The following ESR1 variants were observed in gnomAD, a reference collection of about 807,000 sequenced individuals.
The protein encoded by ESR1 is estrogen receptor.
Under a neutral mutation model 52.7 loss-of-function variants are expected in ESR1, and 12 were observed. The ratio of observed to expected loss-of-function variants is 0.23; its 90% confidence interval spans 0.15 to 0.37. The LOEUF (loss-of-function observed/expected upper bound fraction) is 0.37, where lower values mean the gene tolerates loss of function less well. Ranked by LOEUF, ESR1 falls within the 10% of genes least tolerant of loss-of-function variation. The pLI is 1.00. For missense variants in ESR1, 584 were observed against 779.7 expected (o/e 0.75, Z 2.99); for synonymous variants, 305 against 316.8 (o/e 0.96, Z 0.39).
intron 5 of ESR1, among the ~76,000 whole-genome samples, chr6:152,028,285 TGGACAGTGGGTGCA>T (rs1361075789): frequency 2.0e-5 from 3 of 152,144 alleles, no homozygotes; most frequent in African/African-American, 4.8e-5. Context: ...TGGGGACTAT[TGGACAGTGGGTGCA>T]GGACAGTGGG....
At chr6:151,682,229 T>C (rs1435109428) in intron 1 of ESR1, among the ~76,000 whole-genome samples, 1 of 152,216 alleles carries the variant, frequency 6.6e-6, no homozygotes, top group African/African-American at 2.4e-5. Context: ...TTCCTTTGCT[T>C]TCCTATATGA....
intron 1 of ESR1, among the ~76,000 whole-genome samples, chr6:151,683,574 G>T (rs1037457628): frequency 6.6e-5 from 10 of 152,146 alleles, no homozygotes; most frequent in African/African-American, 2.4e-4. Flanking sequence ...ATCCATTGGT[G>T]GTAGGAGGCA....
intron 1 of ESR1, among the ~76,000 whole-genome samples, chr6:151,674,964 G>T (rs1778202530): frequency 6.6e-6 from 1 of 152,170 alleles, no homozygotes; most frequent in Non-Finnish European, 1.5e-5. Context: ...TGTATTTTCA[G>T]ACCTTTTATT....
chr6:152,127,310 A>G (rs575644913), exon 7 of ESR1: 1 of 152,258 alleles, frequency 6.6e-6, no homozygotes, highest in South Asian at 2.1e-4. Context: ...CCTTGTCTAT[A>G]AATTGGGAAT....
intron 4 of ESR1, among the ~76,000 whole-genome samples, chr6:151,977,574 C>A (rs1326950523): frequency 6.6e-6 from 1 of 151,910 alleles, no homozygotes; most frequent in Non-Finnish European, 1.5e-5. Context: ...GGAGGTGGAT[C>A]GCTTGAGGTC....
intron 1 of ESR1, among the ~76,000 whole-genome samples, chr6:151,839,481 A>G (rs572426293): frequency 9.8e-5 from 15 of 152,340 alleles, no homozygotes; most frequent in African/African-American, 3.4e-4. Flanking sequence ...CAGTAATTCT[A>G]CTTCTGGGTA....
intron 4 of ESR1, among the ~76,000 whole-genome samples, chr6:151,999,172 TA>T (rs538111876): frequency 2.7e-4 from 41 of 152,242 alleles, no homozygotes; most frequent in African/African-American, 9.9e-4. Flanking sequence ...TTTACCTGTT[TA>T]TTTCATGTAT....
At chr6:152,097,854 T>C (rs1017466936) in intron 7 of ESR1, among the ~76,000 whole-genome samples, 1 of 152,000 alleles carries the variant, frequency 6.6e-6, no homozygotes, top group Non-Finnish European at 1.5e-5. Context: ...AGGGTGTGAG[T>C]GTGTGCACGT....
chr6:151,956,843 A>ATAT (rs2037003332), intron 4 of ESR1, among the ~76,000 whole-genome samples: 508 of 44,442 alleles, frequency 0.011, 9 homozygotes, highest in African/African-American at 0.034. Context: ...AATATAAATA[A>ATAT]ATATATATAT....
chr6:152,032,988 G>A (rs2044870922), intron 5 of ESR1, among the ~76,000 whole-genome samples: 1 of 152,100 alleles, frequency 6.6e-6, no homozygotes, highest in Non-Finnish European at 1.5e-5. Flanking sequence ...ATAATGCCAT[G>A]TATCTACAAC....
chr6:152,070,636 A>G (rs533768071), intron 6 of ESR1, among the ~76,000 whole-genome samples: 1 of 138,558 alleles, frequency 7.2e-6, no homozygotes, highest in African/African-American at 3.2e-5. Context: ...TCATGGCCCC[A>G]TCGCTCCCTC....
intron 3 of ESR1, among the ~76,000 whole-genome samples, chr6:151,901,571 GA>G (rs1796701057): frequency 6.6e-6 from 1 of 152,210 alleles, no homozygotes; most frequent in Non-Finnish European, 1.5e-5. Context: ...AGACAAGGTA[GA>G]AATGGCTTAT....
chr6:151,864,255 A>G (rs1473771987), intron 2 of ESR1, among the ~76,000 whole-genome samples: 1 of 152,166 alleles, frequency 6.6e-6, no homozygotes, highest in Non-Finnish European at 1.5e-5. Flanking sequence ...GAAAAAAGGA[A>G]CCCCATCAAC....
chr6:151,784,790 T>TC (rs1192069519), intron 2 of ESR1, among the ~76,000 whole-genome samples: 5 of 152,108 alleles, frequency 3.3e-5, no homozygotes, highest in Admixed American at 1.3e-4. Context: ...CCATGAGTGC[T>TC]CCCCCCACCC....
chr6:151,729,699 G>A (rs1239797092), intron 2 of ESR1, among the ~76,000 whole-genome samples: 2 of 152,258 alleles, frequency 1.3e-5, no homozygotes, highest in Middle Eastern at 3.4e-3. Context: ...TACAGATGGG[G>A]AAACTGAAGC....
chr6:151,838,562 T>C (rs944505675), intron 1 of ESR1, among the ~76,000 whole-genome samples: 18 of 152,248 alleles, frequency 1.2e-4, no homozygotes, highest in African/African-American at 3.1e-4. Context: ...CTTGATCTGA[T>C]GGATACTCAA....
At chr6:151,914,183 T>C (rs1798692282) in intron 3 of ESR1, among the ~76,000 whole-genome samples, 1 of 152,158 alleles carries the variant, frequency 6.6e-6, no homozygotes, top group African/African-American at 2.4e-5. Flanking sequence ...CTCTGCTCTA[T>C]TCTCTGCAAT....
upstream of ESR1, among the ~76,000 whole-genome samples, chr6:151,802,702 TG>T (rs559060843): frequency 4.9e-4 from 74 of 152,324 alleles, no homozygotes; most frequent in Middle Eastern, 6.8e-3. Flanking sequence ...AAAACAGTTT[TG>T]AAAGACCGGG....
intron 4 of ESR1, among the ~76,000 whole-genome samples, chr6:151,966,260 C>G (rs1884050): frequency 0.81 from 122,899 of 152,108 alleles, 50,003 homozygotes; most frequent in Middle Eastern, 0.9. Context: ...TCTGGTGTCA[C>G]TCTGACTCTT....
Sources: gnomAD v4.1 joint callset for allele counts (sites outside exome capture counted in the v4.1 genomes callset) on GRCh38, gnomAD v4.1.1 for gene constraint, MANE v1.5 for transcripts, NCBI Gene and HGNC (gene_info 2026-07-23, HGNC 2026-07-21) for gene names.